The following PRIMA1 variants were observed in gnomAD, a reference collection of about 807,000 sequenced individuals.
PRIMA1 encodes the protein proline rich membrane anchor 1, also known as proline-rich membrane anchor 1.
PRIMA1 carries 7 observed loss-of-function variants against 17.5 expected under a neutral mutation model. The observed-to-expected ratio is 0.40, with a 90% CI of 0.23 to 0.75. PRIMA1 has a LOEUF of 0.75. PRIMA1 is among the 30% of genes least tolerant of loss of function. The pLI is 0.37. For synonymous variants in PRIMA1, 97 were observed against 77.9 expected (o/e 1.25, Z -1.29); for missense variants, 200 against 201.8 (o/e 0.99, Z 0.05).
At position 93,719,635 on chromosome 14, in the gene PRIMA1, GT is replaced by G. The variant is rs1032393390; in HGVS notation, c.*1808del. 2 of 153,150 alleles carry G rather than the reference GT, an allele frequency of 1.3e-5. No individual in the cohort carries two copies. The highest frequency in any genetic ancestry group is 6.5e-5 in the Admixed American group (1 of 15,312). 9.5% of individuals were successfully genotyped at this position (153,150 alleles called of 1,614,324 possible). A position where few individuals can be genotyped will look rare whatever the true frequency, so the allele number is the denominator to read the frequency against. On this transcript the variant is annotated 3_prime_UTR_variant, in exon 5 of 5. Coordinates refer to ENST00000393140, the MANE Select transcript of PRIMA1 (RefSeq NM_178013.4). ...AGTGCCCTGGGGTGGGGTCTGCTGG[GT>G]TTCCCCCTTTAACCTGCTGCTGGCC...
At chr14:93,751,103 G>C (rs1436128587) in intron 3 of PRIMA1, among the ~76,000 whole-genome samples, 2 of 152,208 alleles carry the variant, frequency 1.3e-5, no homozygotes, top group Non-Finnish European at 2.9e-5. Flanking sequence ...GGGACGCAGG[G>C]ACTCTGCTCT....
intron 2 of PRIMA1, among the ~76,000 whole-genome samples, chr14:93,787,319 G>T (rs1341591980): frequency 6.6e-6 from 1 of 152,188 alleles, no homozygotes; most frequent in Non-Finnish European, 1.5e-5. Context: ...ATTTTTCTTT[G>T]TAAGTTTGTT....
At chr14:93,767,011 C>T (rs1394502921) in intron 3 of PRIMA1, among the ~76,000 whole-genome samples, 3 of 152,052 alleles carry the variant, frequency 2.0e-5, no homozygotes. Flanking sequence ...GTCTTGGAGC[C>T]CACTGATGGG....
chr14:93,768,138 C>T (rs540715887), intron 3 of PRIMA1, among the ~76,000 whole-genome samples: 2 of 152,214 alleles, frequency 1.3e-5, no homozygotes, highest in South Asian at 2.1e-4. Flanking sequence ...AAGCATATGC[C>T]GGGCCTGGAT....
chr14:93,783,147 G>C (rs1157362107), intron 2 of PRIMA1, among the ~76,000 whole-genome samples: 1 of 152,212 alleles, frequency 6.6e-6, no homozygotes, highest in Non-Finnish European at 1.5e-5. Context: ...TCTACACTAA[G>C]TTGTGAGTGT....
At chr14:93,741,039 C>G (rs966117623) in intron 3 of PRIMA1, among the ~76,000 whole-genome samples, 1 of 152,222 alleles carries the variant, frequency 6.6e-6, no homozygotes, top group Non-Finnish European at 1.5e-5. Context: ...CTCTAATATT[C>G]TGCAAGCACA....
intron 3 of PRIMA1, among the ~76,000 whole-genome samples, chr14:93,774,370 C>A (rs7152362): frequency 0.38 from 58,243 of 152,010 alleles, 11,379 homozygotes; most frequent in Middle Eastern, 0.54. Flanking sequence ...AAGAGCAATG[C>A]CTGCCTGGCC....
In PRIMA1 at chr14:93,718,633, TTA is replaced by T. The variant is rs10594460; in HGVS notation, c.*2809_*2810del. 0.94 allele frequency: 141,012 copies of T among 150,228 alleles called. 66,554 individuals carry two copies. The highest frequency in any genetic ancestry group is 0.99 in the Non-Finnish European group (66,955 of 67,514). The allele number at this position is 150,228 out of a possible 1,614,324, so 9.3% of individuals were successfully genotyped here. A position where few individuals can be genotyped will look rare whatever the true frequency, so the allele number is the denominator to read the frequency against. On this transcript the variant is annotated 3_prime_UTR_variant, in exon 5 of 5. Transcript: ENST00000393140. ...GATGCAGAGAGTACAGTAGTTGTAT[TTA>T]TATATATATATATATGTAGAGATCT... is the stretch of plus-strand genomic sequence containing the variant.
intron 4 of PRIMA1, among the ~76,000 whole-genome samples, chr14:93,732,771 G>A (rs575432331): frequency 2.0e-5 from 3 of 152,304 alleles, no homozygotes; most frequent in African/African-American, 7.2e-5. Flanking sequence ...GAGGGAAAAC[G>A]GAGGCCACAG....
At chr14:93,738,112 G>A (rs1185901726) in intron 3 of PRIMA1, among the ~76,000 whole-genome samples, 1 of 152,174 alleles carries the variant, frequency 6.6e-6, no homozygotes, top group Non-Finnish European at 1.5e-5. Context: ...GTTTGCACGG[G>A]GGTGGTCAAA....
At chr14:93,729,747 G>A (rs781291682) in intron 4 of PRIMA1, among the ~76,000 whole-genome samples, 3 of 152,226 alleles carry the variant, frequency 2.0e-5, no homozygotes, top group African/African-American at 2.4e-5. Context: ...GGTAGATGGC[G>A]GAGCTGCTTC....
At chr14:93,775,339 G>A (rs78631271) in intron 3 of PRIMA1, among the ~76,000 whole-genome samples, 1,816 of 152,308 alleles carry the variant, frequency 0.012, 42 homozygotes, top group African/African-American at 0.041. Flanking sequence ...GCTGGTTCCC[G>A]GGCCCTGGCA....
rs1198930618 is a variant in PRIMA1 at position 93,726,699 on chromosome 14, A to G, written c.360-5153T>C. On this transcript the variant is annotated intron_variant, in intron 4 of 4. Coordinates refer to ENST00000393140, the MANE Select transcript of PRIMA1 (RefSeq NM_178013.4). The surrounding 1 kb of genome is among the most constrained non-coding windows in gnomAD (Gnocchi z 4.2). ...CATAGACACATGTACATATGCACAA[A>G]CCCATACAAACATGTACTTACACAC... Among the ~76,000 whole-genome samples, 4 of 152,130 alleles carry G rather than the reference A, an allele frequency of 2.6e-5. No homozygotes were observed. Among genetic ancestry groups the G allele is most frequent in the South Asian group, 2.1e-4 (1 of 4,816 alleles).
At chr14:93,777,642 A>G (rs1382954597) in intron 3 of PRIMA1, among the ~76,000 whole-genome samples, 1 of 152,134 alleles carries the variant, frequency 6.6e-6, no homozygotes, top group Non-Finnish European at 1.5e-5. Context: ...GACCAATCCC[A>G]TTTATTCTTA....
rs1452842915 is a variant in PRIMA1, at chr14:93,718,452, TCAACTTGTA to T, written c.*2983_*2991del. On this transcript the variant is annotated 3_prime_UTR_variant, in exon 5 of 5. Coordinates refer to ENST00000393140, the MANE Select transcript of PRIMA1 (RefSeq NM_178013.4). ...TGGCTTGTTGGTGGATAAGACGGCA[TCAACTTGTA>T]CATTTGCCCATTGAGAGAACTCCCA... is the stretch of plus-strand genomic sequence containing the variant. 6.6e-6 allele frequency: 1 copy of T among 152,562 alleles called. No individual in the cohort carries two copies. Among genetic ancestry groups the T allele is most frequent in the Non-Finnish European group, 1.5e-5 (1 of 68,040 alleles). The allele number at this position is 152,562 out of a possible 1,614,324, so 9.5% of individuals were successfully genotyped here. A position where few individuals can be genotyped will look rare whatever the true frequency, so the allele number is the denominator to read the frequency against.
At chr14:93,765,795 T>C (rs1186432301) in intron 3 of PRIMA1, among the ~76,000 whole-genome samples, 3 of 152,168 alleles carry the variant, frequency 2.0e-5, no homozygotes, top group Non-Finnish European at 4.4e-5. Context: ...AAGTCAACAC[T>C]GAAGACCTCC....
chr14:93,761,986 C>A (rs922702260), intron 3 of PRIMA1, among the ~76,000 whole-genome samples: 3 of 152,236 alleles, frequency 2.0e-5, no homozygotes, highest in African/African-American at 4.8e-5. Flanking sequence ...GGACACCCCT[C>A]ACATGGTATT....
intron 4 of PRIMA1, among the ~76,000 whole-genome samples, chr14:93,728,105 C>T (rs777163617): frequency 9.2e-5 from 14 of 152,228 alleles, no homozygotes; most frequent in Non-Finnish European, 1.6e-4. Context: ...TCCCCAACCT[C>T]AGGCACAGGG....
At chr14:93,738,564 G>A (rs1233449001) in intron 3 of PRIMA1, among the ~76,000 whole-genome samples, 1 of 152,196 alleles carries the variant, frequency 6.6e-6, no homozygotes, top group East Asian at 1.9e-4. Flanking sequence ...CAGACTTGGT[G>A]TCCACTCTAT....
Sources: gnomAD v4.1 joint callset for allele counts (sites outside exome capture counted in the v4.1 genomes callset) on GRCh38, gnomAD v4.1.1 for gene constraint, Gnocchi (gnomAD v3.1) non-coding constraint, MANE v1.5 for transcripts, NCBI Gene and HGNC (gene_info 2026-07-23, HGNC 2026-07-21) for gene names.